Variants in EIF2S2 observed in about 807,000 individuals in gnomAD.
EIF2S2 encodes eukaryotic translation initiation factor 2 subunit beta, also known as eukaryotic translation initiation factor 2 subunit 2.
EIF2S2 carries 4 observed loss-of-function variants against 44.0 expected under a neutral mutation model. The ratio of observed to expected loss-of-function variants is 0.09; its 90% CI spans 0.04 to 0.21. The LOEUF is 0.21. Among genes scored for constraint, EIF2S2 ranks in the 10% least tolerant of loss-of-function variants. EIF2S2 has a pLI of 1.00. For missense variants in EIF2S2, 154 were observed against 392.0 expected, an observed-to-expected ratio of 0.39 and a Z score of 5.13; for synonymous variants, 108 against 128.3, an observed-to-expected ratio of 0.84 and a Z score of 1.07.
chr20:34,098,343 A>G (rs193143865), intron 4 of EIF2S2, among the ~76,000 whole-genome samples, 155 bp downstream of exon 4: 2 of 152,120 alleles, frequency 1.3e-5, no homozygotes, highest in Non-Finnish European at 2.9e-5. Context: ...AACTGCCATT[A>G]TCAAGCCAAA....
At chr20:34,100,431 C>CT (rs2034282274) in intron 3 of EIF2S2, among the ~76,000 whole-genome samples, 1 of 152,204 alleles carries the variant, frequency 6.6e-6, no homozygotes, top group South Asian at 2.1e-4. Flanking sequence ...CTTTGTCCTT[C>CT]TGGTGACCAG....
chr20:34,106,430 T>A (rs1218208214), intron 1 of EIF2S2, among the ~76,000 whole-genome samples: 1 of 13,546 alleles, frequency 7.4e-5, no homozygotes, highest in African/African-American at 5.8e-4. Context: ...AAAGGTTCTT[T>A]TTTTTTTTTT....
rs1305526895 is a variant in EIF2S2, at chr20:34,093,660, T to C, written c.740+15A>G. Reference sequence around the variant, plus strand: ...TGTCCAGCAGTACTGTATGTAAATGTATACAGTTTCTTACCTTGTACCCAA... The same window carrying C: ...TGTCCAGCAGTACTGTATGTAAATGCATACAGTTTCTTACCTTGTACCCAA... On this transcript the variant is annotated intron_variant, in intron 7 of 8. Coordinates refer to ENST00000374980, the MANE Select transcript of EIF2S2 (RefSeq NM_003908.5). The C allele has an allele frequency of 6.3e-7, 1 of 1,594,610 alleles. No individual in the cohort carries two copies. Among genetic ancestry groups the C allele is most frequent in the Admixed American group, 1.7e-5 (1 of 59,226 alleles).
At chr20:34,089,950 G>A (rs751841343) in intron 8 of EIF2S2, 45 bp from the exon 9 acceptor site, 2 of 1,602,834 alleles carry the variant, frequency 1.2e-6, no homozygotes, top group Non-Finnish European at 1.7e-6. Flanking sequence ...GCTGCAGTGA[G>A]GTAGAGAAGT....
chr20:34,090,479 A>G, intron 8 of EIF2S2, 38 bp downstream of exon 8: 1 of 1,306,604 alleles, frequency 7.7e-7, no homozygotes, highest in African/African-American at 1.5e-5. Context: ...TCATGAGAAC[A>G]TTTCAGGGTG....
intron 7 of EIF2S2, among the ~76,000 whole-genome samples, chr20:34,092,354 C>T (rs965743334): frequency 6.6e-6 from 1 of 152,182 alleles, no homozygotes; most frequent in Non-Finnish European, 1.5e-5. Flanking sequence ...GTGCAAGTTA[C>T]AAATAACGAT....
chr20:34,091,392 T>C lies in EIF2S2; in HGVS notation c.741-790A>G, dbSNP rs955554344. Reference sequence around the variant, plus strand: ...CTAAAATTGATTGTGGTAGCAGTTATACATATTAAGTTTAATATGTGATCA... The same window carrying C: ...CTAAAATTGATTGTGGTAGCAGTTACACATATTAAGTTTAATATGTGATCA... On this transcript the variant is annotated intron_variant, in intron 7 of 8. Coordinates refer to ENST00000374980, the MANE Select transcript of EIF2S2 (RefSeq NM_003908.5). Among the ~76,000 whole-genome samples the C allele has an allele frequency of 2.0e-4, 30 of 152,338 alleles. 1 individual carries two copies. In the Middle Eastern group the frequency reaches 0.01, roughly 52 times the overall value.
chr20:34,091,939 T>C lies in EIF2S2; in HGVS notation c.741-1337A>G, dbSNP rs539949280. On this transcript the variant is annotated intron_variant, in intron 7 of 8. Coordinates refer to ENST00000374980, the MANE Select transcript of EIF2S2 (RefSeq NM_003908.5). Reference sequence around the variant, plus strand: ...CTGTTTGAAGAAAAAAAAAGGATAGTTGAATCACAAGCCACAAACTGTCAA... The same window carrying C: ...CTGTTTGAAGAAAAAAAAAGGATAGCTGAATCACAAGCCACAAACTGTCAA... 4.5e-4 allele frequency among the ~76,000 whole-genome samples: 69 copies of C among 152,136 alleles called. 1 individual carries two copies. Among genetic ancestry groups the C allele is most frequent in the South Asian group, 1.7e-3 (8 of 4,806 alleles).
At chr20:34,095,426 C>T (rs1364262773) in intron 6 of EIF2S2, among the ~76,000 whole-genome samples, 1 of 151,702 alleles carries the variant, frequency 6.6e-6, no homozygotes, top group East Asian at 1.9e-4. Flanking sequence ...GATTCTCCTG[C>T]CTCAGCCTCC....
chr20:34,106,132 G>A (rs1465012157), intron 1 of EIF2S2, among the ~76,000 whole-genome samples: 1 of 151,860 alleles, frequency 6.6e-6, no homozygotes, highest in African/African-American at 2.4e-5. Context: ...GTTGTCCCAG[G>A]TGGTCACAAA....
intron 3 of EIF2S2, among the ~76,000 whole-genome samples, chr20:34,101,048 A>G (rs1029852791): frequency 2.6e-5 from 4 of 152,230 alleles, no homozygotes; most frequent in African/African-American, 9.6e-5. Context: ...GTCATTTCAG[A>G]AATCTTACCA....
At chr20:34,101,943 G>A (rs1204549966) in intron 3 of EIF2S2, among the ~76,000 whole-genome samples, 3 of 152,082 alleles carry the variant, frequency 2.0e-5, no homozygotes, top group Admixed American at 2.0e-4. Context: ...CCAAAGTGCT[G>A]GGATTACAGG....
At position 34,102,499 on chromosome 20, in the gene EIF2S2, A is replaced by G. The variant is rs549114141; in HGVS notation, c.297+963T>C. ...TTCAAAAGCTTGACTTGCTGTAATC[A>G]CTCATACTTATTTACTGAATTAACT... On this transcript the variant is annotated intron_variant, in intron 3 of 8. Transcript: ENST00000374980. 2.6e-5 allele frequency among the ~76,000 whole-genome samples: 4 copies of G among 152,308 alleles called. No individual in the cohort carries two copies. In the South Asian group the frequency reaches 8.3e-4, roughly 32 times the overall value.
rs371034936 is a variant in EIF2S2, at chr20:34,112,125, T to C, written c.-15A>G. The C allele has an allele frequency of 6.5e-7, 1 of 1,545,454 alleles. No homozygotes were observed. Among genetic ancestry groups the C allele is most frequent in the Non-Finnish European group, 8.7e-7 (1 of 1,143,598 alleles). ...TCCCCAGACATGGCTGCGGCTCGAGTGGGCTCGGCACGGACGGGAAGTCAG... is the reference window on the plus strand; with the variant it reads ...TCCCCAGACATGGCTGCGGCTCGAGCGGGCTCGGCACGGACGGGAAGTCAG... On this transcript the variant is annotated 5_prime_UTR_variant, in exon 1 of 9. Coordinates refer to ENST00000374980, the MANE Select transcript of EIF2S2 (RefSeq NM_003908.5).
chr20:34,090,034 G>T, intron 8 of EIF2S2, 129 bp from the exon 9 acceptor site: 1 of 952,298 alleles, frequency 1.1e-6, no homozygotes, highest in Non-Finnish European at 1.6e-6. Flanking sequence ...ACCCAGACCA[G>T]GGAAGCGCAG....
intron 6 of EIF2S2, among the ~76,000 whole-genome samples, chr20:34,096,011 A>G (rs533013990): frequency 6.6e-6 from 1 of 152,286 alleles, no homozygotes; most frequent in African/African-American, 2.4e-5. Flanking sequence ...AATCTCATCA[A>G]TTGTGTCCTG....
intron 2 of EIF2S2, among the ~76,000 whole-genome samples, chr20:34,104,303 C>A (rs1364092628): frequency 6.6e-6 from 1 of 152,124 alleles, no homozygotes; most frequent in African/African-American, 2.4e-5. Context: ...TCCCGTGGGC[C>A]CTCTTACCTC....
chr20:34,099,501 G>A (rs1391179681), intron 3 of EIF2S2, among the ~76,000 whole-genome samples: 4 of 152,146 alleles, frequency 2.6e-5, no homozygotes, highest in African/African-American at 4.8e-5. Flanking sequence ...ATTTTTCCGG[G>A]TGACACCAAA....
chr20:34,105,942 G>C (rs1413431904), intron 1 of EIF2S2, among the ~76,000 whole-genome samples: 1 of 152,022 alleles, frequency 6.6e-6, no homozygotes, highest in Non-Finnish European at 1.5e-5. Flanking sequence ...TTTTTTCTTT[G>C]AAACAGGGTC....
Sources: allele counts gnomAD v4.1 joint callset (sites outside exome capture counted in the v4.1 genomes callset), GRCh38; gene constraint gnomAD v4.1.1; transcripts MANE v1.5; gene names NCBI Gene and HGNC (gene_info 2026-07-23, HGNC 2026-07-21).